Variants in ROR1 observed in about 807,000 individuals in gnomAD.
The protein encoded by ROR1 is inactive tyrosine-protein kinase transmembrane receptor ROR1.
A neutral mutation model predicts 78.8 loss-of-function variants in ROR1; 19 were observed. The ratio of observed to expected loss-of-function variants is 0.24; its 90% CI spans 0.17 to 0.35. ROR1 has a LOEUF of 0.35. ROR1 is among the 10% of genes least tolerant of loss of function. The pLI, the probability that ROR1 is intolerant of heterozygous loss-of-function variation, is 1.00. For synonymous variants in ROR1, 386 were observed against 433.6 expected (o/e 0.89, Z 1.36); for missense variants, 917 against 1,177.8 (o/e 0.78, Z 3.24).
intron 1 of ROR1, among the ~76,000 whole-genome samples, chr1:63,878,965 A>C (rs958363978): frequency 1.4e-4 from 21 of 152,108 alleles, no homozygotes; most frequent in African/African-American, 3.9e-4. Context: ...TTAACCAATT[A>C]ATTAATTTCC....
At chr1:63,848,935 C>T (rs2100327346) in intron 1 of ROR1, among the ~76,000 whole-genome samples, 1 of 152,312 alleles carries the variant, frequency 6.6e-6, no homozygotes, top group South Asian at 2.1e-4. Flanking sequence ...CACATAGGCT[C>T]AGAAGAGCTC....
intron 4 of ROR1, among the ~76,000 whole-genome samples, chr1:64,057,716 T>A (rs1056760104): frequency 3.9e-5 from 6 of 152,236 alleles, no homozygotes; most frequent in Non-Finnish European, 8.8e-5. Context: ...CCTAGACTAG[T>A]GTTTGAATAA....
intron 1 of ROR1, among the ~76,000 whole-genome samples, chr1:63,848,812 G>C (rs557407809): frequency 7.9e-5 from 12 of 152,218 alleles, no homozygotes; most frequent in African/African-American, 2.9e-4. Context: ...TATCATCCTG[G>C]AAATTTTTTG....
chr1:63,811,772 C>T (rs1557508347), intron 1 of ROR1, among the ~76,000 whole-genome samples: 1 of 152,076 alleles, frequency 6.6e-6, no homozygotes, highest in Non-Finnish European at 1.5e-5. Flanking sequence ...TAAGGTTCCA[C>T]TCCCCTTTCT....
At chr1:64,043,690 T>C (rs1646762096) in intron 2 of ROR1, among the ~76,000 whole-genome samples, 1 of 152,182 alleles carries the variant, frequency 6.6e-6, no homozygotes, top group Non-Finnish European at 1.5e-5. Flanking sequence ...ACAGGTTGGA[T>C]TGATTGGGAA....
rs149695454 is a variant in ROR1 at position 63,829,927 on chromosome 1, G to C, written c.91+55419G>C. Among the ~76,000 whole-genome samples the C allele has an allele frequency of 5.3e-5, 8 of 152,102 alleles. No homozygotes were observed. In the East Asian group the frequency reaches 1.5e-3, roughly 29 times the overall value. ...AGGGAGGTTGTGAAAACAGTGAAAG[G>C]GCCTTCCAGAAAGTAAATCCTTAAG... is the stretch of plus-strand genomic sequence containing the variant. On this transcript the variant is annotated intron_variant, in intron 1 of 8. Coordinates refer to ENST00000371079, the MANE Select transcript of ROR1 (RefSeq NM_005012.4).
At chr1:63,967,263 T>TC (rs1454929614) in intron 1 of ROR1, among the ~76,000 whole-genome samples, 1 of 152,186 alleles carries the variant, frequency 6.6e-6, no homozygotes, top group Non-Finnish European at 1.5e-5. Context: ...TTTCATTCCT[T>TC]CTGGAGAAAT....
At chr1:63,801,265 G>A (rs2172837) in intron 1 of ROR1, among the ~76,000 whole-genome samples, 23 of 152,122 alleles carry the variant, frequency 1.5e-4, no homozygotes, top group South Asian at 6.2e-4. Flanking sequence ...TAACATGGAC[G>A]TATTATGTGG....
intron 1 of ROR1, among the ~76,000 whole-genome samples, chr1:63,864,439 A>G (rs371514594): frequency 5.1e-4 from 77 of 152,284 alleles, no homozygotes; most frequent in African/African-American, 1.7e-3. Context: ...GTCTGGATTC[A>G]TGTCTCAGGT....
intron 1 of ROR1, chr1:63,775,151 C>T (rs671289): frequency 6.6e-6 from 1 of 152,148 alleles, no homozygotes; most frequent in Non-Finnish European, 1.5e-5. Flanking sequence ...CGGCCTGCGG[C>T]TCCAAAGTGC....
intron 1 of ROR1, among the ~76,000 whole-genome samples, chr1:63,860,588 C>CACACAT (rs1553138050): frequency 0.025 from 3,681 of 145,520 alleles, 155 homozygotes; most frequent in African/African-American, 0.087. Context: ...CACACACACA[C>CACACAT]ACACACACAC....
At chr1:64,090,050 G>A (rs1647183176) in intron 4 of ROR1, among the ~76,000 whole-genome samples, 1 of 152,086 alleles carries the variant, frequency 6.6e-6, no homozygotes, top group Non-Finnish European at 1.5e-5. Flanking sequence ...CCATGATTAT[G>A]AGACCTCCCT....
chr1:63,941,077 A>G (rs989801748), intron 1 of ROR1, among the ~76,000 whole-genome samples: 5 of 152,204 alleles, frequency 3.3e-5, no homozygotes, highest in Non-Finnish European at 7.3e-5. Context: ...AACTGTTCTA[A>G]GTTAAAGGAG....
Position 64,072,701 on chromosome 1 carries a change from G to T in ROR1, c.482+21985G>T, listed in dbSNP as rs182040962. On this transcript the variant is annotated intron_variant, in intron 4 of 8. Transcript: ENST00000371079. ...TCTGCCAGGGAATGGGAGAGCCGGGGTTATCTGTACCCACACATGCCAGGA... is the reference window on the plus strand; with the variant it reads ...TCTGCCAGGGAATGGGAGAGCCGGGTTTATCTGTACCCACACATGCCAGGA... Among the ~76,000 whole-genome samples, 28 of 152,252 alleles carry T rather than the reference G, an allele frequency of 1.8e-4. 1 individual carries two copies. In the East Asian group the frequency reaches 4.8e-3, roughly 26 times the overall value.
In ROR1 at chr1:63,839,322, T is replaced by C. The variant is rs146356125; in HGVS notation, c.91+64814T>C. On this transcript the variant is annotated intron_variant, in intron 1 of 8. Transcript: ENST00000371079. Reference sequence around the variant, plus strand: ...GAGGAGCTGTTCTGTAATGTTTTGGTAAAAGAATGTCTGTCTCCATATCAT... The same window carrying C: ...GAGGAGCTGTTCTGTAATGTTTTGGCAAAAGAATGTCTGTCTCCATATCAT... Among the ~76,000 whole-genome samples the C allele has an allele frequency of 5.4e-3, 828 of 152,136 alleles. 1 individual carries two copies. Among genetic ancestry groups the C allele is most frequent in the Non-Finnish European group, 7.7e-3 (527 of 68,008 alleles).
chr1:63,862,306 A>G (rs1294757817), intron 1 of ROR1, among the ~76,000 whole-genome samples: 1 of 149,458 alleles, frequency 6.7e-6, no homozygotes, highest in Non-Finnish European at 1.5e-5. Context: ...AGACAGGAGA[A>G]TCGCTTGAAC....
chr1:63,925,462 C>G (rs1014504934), intron 1 of ROR1, among the ~76,000 whole-genome samples: 1 of 151,956 alleles, frequency 6.6e-6, no homozygotes, highest in African/African-American at 2.4e-5. Flanking sequence ...TGAATAATGC[C>G]GCAATAAACA....
chr1:64,117,513 GATCTGCCAGT>G (rs1157087264), intron 4 of ROR1, among the ~76,000 whole-genome samples: 3 of 152,122 alleles, frequency 2.0e-5, no homozygotes, highest in Non-Finnish European at 4.4e-5. Context: ...TAAGAAGTTT[GATCTGCCAGT>G]ATTTGCCTTT....
At chr1:64,074,673 T>C (rs1380915179) in intron 4 of ROR1, among the ~76,000 whole-genome samples, 2 of 152,210 alleles carry the variant, frequency 1.3e-5, no homozygotes, top group Admixed American at 6.5e-5. Context: ...TGTGGACTTA[T>C]GTATGGGTGG....
Sources: gnomAD v4.1 joint callset for allele counts (sites outside exome capture counted in the v4.1 genomes callset) on GRCh38, gnomAD v4.1.1 for gene constraint, MANE v1.5 for transcripts, NCBI Gene and HGNC (gene_info 2026-07-23, HGNC 2026-07-21) for gene names.